The following AFAP1L1 variants were observed in gnomAD, a reference collection of about 807,000 sequenced individuals.
AFAP1L1 encodes the protein actin filament associated protein 1 like 1.
Under a neutral mutation model 99.8 loss-of-function variants are expected in AFAP1L1, and 77 were observed. That is an observed-to-expected ratio of 0.77 (90% CI 0.64 to 0.93). AFAP1L1 has a LOEUF of 0.93. Ranked by LOEUF, AFAP1L1 falls within the 40% of genes least tolerant of loss-of-function variation. The pLI is 0.00. For synonymous variants in AFAP1L1, 373 were observed against 395.3 expected (o/e 0.94, Z 0.67); for missense variants, 893 against 996.8 (o/e 0.90, Z 1.40).
At chr5:149,305,019 C>T (rs1756364137) in intron 5 of AFAP1L1, among the ~76,000 whole-genome samples, 2 of 152,218 alleles carry the variant, frequency 1.3e-5, no homozygotes, top group African/African-American at 4.8e-5. Context: ...CAGGCTCTGT[C>T]ACCAGCAAAC....
At chr5:149,281,157 A>T (rs894336016) in intron 1 of AFAP1L1, among the ~76,000 whole-genome samples, 4 of 152,158 alleles carry the variant, frequency 2.6e-5, no homozygotes, top group African/African-American at 9.7e-5. Context: ...GGGGGTTGCT[A>T]TGGGCAAGAA....
intron 9 of AFAP1L1, among the ~76,000 whole-genome samples, chr5:149,313,733 G>A (rs891561062): frequency 6.6e-6 from 1 of 152,224 alleles, no homozygotes; most frequent in African/African-American, 2.4e-5. Flanking sequence ...ACTTATAAAT[G>A]CCAAGCTGTG....
chr5:149,338,305 C>T (rs1757463846), intron 18 of AFAP1L1, among the ~76,000 whole-genome samples: 1 of 151,906 alleles, frequency 6.6e-6, no homozygotes, highest in African/African-American at 2.4e-5. Flanking sequence ...ACAAAAACTA[C>T]AAAAAAATTA....
At chr5:149,288,456 T>C (rs1755750235) in intron 1 of AFAP1L1, among the ~76,000 whole-genome samples, 1 of 152,146 alleles carries the variant, frequency 6.6e-6, no homozygotes, top group Non-Finnish European at 1.5e-5. Context: ...CTTTAGCACT[T>C]GAAAATACTA....
intron 1 of AFAP1L1, among the ~76,000 whole-genome samples, chr5:149,291,426 TGA>T (rs1365156181): frequency 1.4e-5 from 2 of 144,224 alleles, no homozygotes; most frequent in African/African-American, 2.6e-5. Context: ...ACTCGGAGGC[TGA>T]GGCAGGAGAA....
intron 1 of AFAP1L1, among the ~76,000 whole-genome samples, chr5:149,285,054 A>G (rs913131991): frequency 1.3e-5 from 2 of 152,168 alleles, no homozygotes; most frequent in South Asian, 4.1e-4. Flanking sequence ...GTTTTCTTGG[A>G]TCCTCAACCC....
At chr5:149,282,946 C>A (rs1298914163) in intron 1 of AFAP1L1, among the ~76,000 whole-genome samples, 1 of 152,216 alleles carries the variant, frequency 6.6e-6, no homozygotes, top group East Asian at 1.9e-4. Flanking sequence ...CAAACAAAAT[C>A]TTAAGCAACA....
chr5:149,325,141 C>T (rs138644641), intron 15 of AFAP1L1, among the ~76,000 whole-genome samples: 141 of 152,276 alleles, frequency 9.3e-4, no homozygotes, highest in African/African-American at 2.7e-3. Context: ...CAAACAATTA[C>T]TTAAAGTCTG....
intron 1 of AFAP1L1, among the ~76,000 whole-genome samples, chr5:149,275,907 A>G (rs1321611966): frequency 6.6e-6 from 1 of 152,198 alleles, no homozygotes; most frequent in Non-Finnish European, 1.5e-5. Context: ...GTCTCCAAAT[A>G]CAGTCACACT....
chr5:149,327,196 T>C (rs1250558273), intron 15 of AFAP1L1, among the ~76,000 whole-genome samples: 1 of 140,568 alleles, frequency 7.1e-6, no homozygotes, highest in Non-Finnish European at 1.6e-5. Context: ...AAGGAAACCA[T>C]GCTTAAAGAA....
At position 149,326,415 on chromosome 5, in the gene AFAP1L1, T is replaced by C. The variant is rs1213144005; in HGVS notation, c.1811-3251T>C. 2.0e-5 allele frequency among the ~76,000 whole-genome samples: 3 copies of C among 152,002 alleles called. No individual in the cohort carries two copies. The East Asian group carries it at 5.8e-4, about 29-fold the overall frequency. On this transcript the variant is annotated intron_variant, in intron 15 of 18. Coordinates refer to ENST00000296721, the MANE Select transcript of AFAP1L1 (RefSeq NM_152406.4). ...TTAGCCAGGCATGGTGGCGGGCACC[T>C]GTAATCCCAGCTACTCGGGAGGCTG... is the stretch of plus-strand genomic sequence containing the variant.
At chr5:149,302,371 C>A in intron 4 of AFAP1L1, 47 bp from the exon 5 acceptor site, 1 of 1,450,006 alleles carries the variant, frequency 6.9e-7, no homozygotes, top group South Asian at 1.3e-5. Context: ...GCCTCTCTCT[C>A]CCTACCCTGC....
intron 5 of AFAP1L1, chr5:149,304,187 C>T (rs562637543): frequency 6.6e-6 from 1 of 152,374 alleles, no homozygotes; most frequent in African/African-American, 2.4e-5. Context: ...CATGTCGTAG[C>T]ATGCCTCAGA....
chr5:149,274,863 C>T (rs547741696), intron 1 of AFAP1L1, among the ~76,000 whole-genome samples: 90 of 143,740 alleles, frequency 6.3e-4, no homozygotes, highest in African/African-American at 1.3e-3. Context: ...CCAGCCTGGG[C>T]GACACAGCAA....
intron 1 of AFAP1L1, among the ~76,000 whole-genome samples, chr5:149,284,620 C>T (rs762084142): frequency 9.2e-5 from 14 of 152,192 alleles, no homozygotes; most frequent in South Asian, 2.1e-4. Flanking sequence ...GATGGGATTA[C>T]GGAGACGTTG....
intron 17 of AFAP1L1, among the ~76,000 whole-genome samples, chr5:149,334,068 T>C (rs1757336713): frequency 6.6e-6 from 1 of 152,234 alleles, no homozygotes; most frequent in South Asian, 2.1e-4. Flanking sequence ...ATTTGTCAAA[T>C]GAATAAATGT....
intron 1 of AFAP1L1, chr5:149,276,843 G>A (rs1272239611): frequency 2.0e-5 from 3 of 152,204 alleles, no homozygotes; most frequent in Admixed American, 6.5e-5. Context: ...AATCTTGTTT[G>A]TATCACAGTG....
chr5:149,323,827 T>C (rs1757022443), intron 15 of AFAP1L1, among the ~76,000 whole-genome samples: 1 of 152,318 alleles, frequency 6.6e-6, no homozygotes, highest in South Asian at 2.1e-4. Flanking sequence ...ATGCAGGGCC[T>C]TGTGAAATGC....
At chr5:149,329,971 CCTCCTCTTCTT>C (rs1757210993) in intron 16 of AFAP1L1, 141 bp downstream of exon 16, 5 of 632,912 alleles carry the variant, frequency 7.9e-6, no homozygotes, top group African/African-American at 1.9e-5. Flanking sequence ...TTCTCCTCCT[CCTCCTCTTCTT>C]CTCCTCTTCA....
Sources: gnomAD v4.1 joint callset for allele counts (sites outside exome capture counted in the v4.1 genomes callset) on GRCh38, gnomAD v4.1.1 for gene constraint, MANE v1.5 for transcripts, NCBI Gene and HGNC (gene_info 2026-07-23, HGNC 2026-07-21) for gene names.